Variants in STARD9 observed in about 807,000 individuals in gnomAD.
The protein encoded by STARD9 is StAR related lipid transfer domain containing 9.
A neutral mutation model predicts 399.8 loss-of-function variants in STARD9; 346 were observed. That is an observed-to-expected ratio of 0.87 (90% confidence interval 0.79 to 0.95). STARD9 has a LOEUF of 0.95. Among genes scored for constraint, STARD9 ranks in the 40% least tolerant of loss-of-function variants. STARD9 has a pLI of 0.00. For synonymous variants in STARD9, 2,203 were observed against 2,143.5 expected (o/e 1.03, Z -0.77); for missense variants, 5,832 against 5,667.5 (o/e 1.03, Z -0.93).
chr15:42,651,477 T>C (rs1414813016), intron 8 of STARD9, among the ~76,000 whole-genome samples: 1 of 152,206 alleles, frequency 6.6e-6, no homozygotes. Flanking sequence ...TAGTTTTGCA[T>C]ACTTATAAGG....
chr15:42,639,753 A>G (rs573499753), intron 7 of STARD9, among the ~76,000 whole-genome samples: 14 of 151,788 alleles, frequency 9.2e-5, no homozygotes, highest in East Asian at 3.9e-4. Context: ...AATCCCAGCT[A>G]CTCGGGAGGC....
intron 26 of STARD9, among the ~76,000 whole-genome samples, chr15:42,712,118 A>ATT (rs1181197875): frequency 2.3e-5 from 1 of 43,870 alleles, no homozygotes. Context: ...TATAATATAT[A>ATT]ATATATATAT....
At chr15:42,700,373 C>T (rs768015384) in intron 26 of STARD9, among the ~76,000 whole-genome samples, 13 of 152,198 alleles carry the variant, frequency 8.5e-5, no homozygotes, top group African/African-American at 1.2e-4. Context: ...GCCATAATGG[C>T]GGTATTAATT....
In STARD9 at chr15:42,662,850, A is replaced by G. The variant is rs888704159; in HGVS notation, c.827A>G (p.Asn276Ser). 4 of 1,537,396 alleles carry G rather than the reference A, an allele frequency of 2.6e-6. No individual in the cohort carries two copies. Among genetic ancestry groups the G allele is most frequent in the South Asian group, 2.4e-5 (2 of 84,058 alleles). ...CGCATTGCTGAAGGAGCCAATATCA[A>G]CAAGTCCCTTGTGACTCTAGGAATT... Reference protein sequence around the residue: ...KDRIAEGANINKSLVTLGIVI... With the variant: ...KDRIAEGANISKSLVTLGIVI... The change falls in exon 11 of 33, where the codon AAC (asparagine) becomes AGC (serine). Residue 276 changes from asparagine (N) to serine (S), a missense_variant. Physicochemically the swap from Asn to Ser is conservative, Grantham distance 46. Around this residue, in one of 2 missense-constraint regions of STARD9, gnomAD observed 5,828 missense variants for 5,651.1 expected, o/e 1.03. Transcript: ENST00000290607.
chr15:42,626,324 C>CTCCTCTTCCTCTTCT (rs60638492), intron 3 of STARD9, among the ~76,000 whole-genome samples: 21,364 of 126,620 alleles, frequency 0.17, 2,573 homozygotes, highest in South Asian at 0.27. Context: ...CCTCTTCTTC[C>CTCCTCTTCCTCTTCT]TCCTCTTCCT....
intron 7 of STARD9, among the ~76,000 whole-genome samples, chr15:42,644,241 C>T (rs984437872): frequency 6.6e-6 from 1 of 152,182 alleles, no homozygotes; most frequent in African/African-American, 2.4e-5. Flanking sequence ...CGCCTGTAAT[C>T]CCAGCACTTT....
At chr15:42,594,971 C>T (rs1178266138) in intron 3 of STARD9, among the ~76,000 whole-genome samples, 1 of 152,184 alleles carries the variant, frequency 6.6e-6, no homozygotes, top group Admixed American at 6.5e-5. Flanking sequence ...TGGGAAACCC[C>T]AACCCATTAC....
In STARD9 at chr15:42,601,610, G is replaced by T. The variant is rs141297638; in HGVS notation, c.234+15973G>T. Among the ~76,000 whole-genome samples, 24 of 151,062 alleles carry T rather than the reference G, an allele frequency of 1.6e-4. No homozygotes were observed. In the South Asian group the frequency reaches 4.8e-3, roughly 30 times the overall value. ...CACCTCCCGGACGGGGCGGCTGGCC[G>T]GGTGGGGGCTGCCCCCCACTTCCCG... On this transcript the variant is annotated intron_variant, in intron 3 of 32. Coordinates refer to ENST00000290607, the MANE Select transcript of STARD9 (RefSeq NM_020759.3).
At position 42,689,447 on chromosome 15, in the gene STARD9, T is replaced by A; in HGVS notation, c.7869T>A (p.Ala2623=). ...APGFHVASLS[A]EAGQIDLLPD... ...GATTTCATGTGGCATCTCTATCTGC[T>A]GAAGCAGGGCAGATAGATCTGTTAC... The change falls in exon 23 of 33, where the codon GCT becomes GCA. Residue 2623 remains alanine, a synonymous_variant. Transcript: ENST00000290607. 1 of 1,537,278 alleles carries A rather than the reference T, an allele frequency of 6.5e-7. No homozygotes were observed.
chr15:42,663,858 A>G lies in STARD9; in HGVS notation c.1117A>G (p.Ser373Gly). Reference protein sequence around the residue: ...PAHTSYSETMSTLRYASSAKN... With the variant: ...PAHTSYSETMGTLRYASSAKN... Reference sequence around the variant, plus strand: ...ACACACTAGCTACAGTGAGACCATGAGCACACTGAGATATGCATCCAGTGC... The same window carrying G: ...ACACACTAGCTACAGTGAGACCATGGGCACACTGAGATATGCATCCAGTGC... Residue 373 changes from serine (S) to glycine (G), a missense_variant, in exon 13 of 33, where the codon AGC becomes GGC. Physicochemically the swap from Ser to Gly is moderately conservative, Grantham distance 56. Coordinates refer to ENST00000290607, the MANE Select transcript of STARD9 (RefSeq NM_020759.3). 2 of 1,537,096 alleles carry G rather than the reference A, an allele frequency of 1.3e-6. No homozygotes were observed. Among genetic ancestry groups the G allele is most frequent in the Non-Finnish European group, 1.7e-6 (2 of 1,146,730 alleles).
intron 26 of STARD9, among the ~76,000 whole-genome samples, chr15:42,698,858 C>T (rs2060900240): frequency 6.6e-6 from 1 of 151,944 alleles, no homozygotes; most frequent in South Asian, 2.1e-4. Context: ...CTAGTTGTCC[C>T]TGTAATGCTT....
At chr15:42,715,440 G>A (rs1024537688) in intron 26 of STARD9, among the ~76,000 whole-genome samples, 5 of 152,188 alleles carry the variant, frequency 3.3e-5, no homozygotes, top group Admixed American at 6.5e-5. Context: ...AAAACTTTGG[G>A]AGGCCGCAGA....
intron 3 of STARD9, among the ~76,000 whole-genome samples, chr15:42,629,034 C>T (rs2059279357): frequency 1.3e-5 from 2 of 151,610 alleles, no homozygotes. Context: ...TCTTTTTTTT[C>T]CCCAAGACAG....
Position 42,687,486 on chromosome 15 carries a change from C to T in STARD9, c.5908C>T (p.Pro1970Ser). Residue 1970 changes from proline to serine, a missense_variant, in exon 23 of 33, where the codon CCT (proline) becomes TCT (serine). Physicochemically the swap from Pro to Ser is moderately conservative, Grantham distance 74 (BLOSUM62 -1). This residue lies in a region of STARD9 where 5,828 missense variants were observed against 5,651.1 expected (regional missense o/e 1.03). Coordinates refer to ENST00000290607, the MANE Select transcript of STARD9 (RefSeq NM_020759.3). ...GGTGGCCCAGGGTGGTGGCCCAACC[C>T]CTAAGTGGGAAGGGAAAAATGAAAC... Reference protein sequence around the residue: ...VMVAQGGGPTPKWEGKNETGL... With the variant: ...VMVAQGGGPTSKWEGKNETGL... 1 of 1,537,116 alleles carries T rather than the reference C, an allele frequency of 6.5e-7. No homozygotes were observed.
At position 42,685,289 on chromosome 15, in the gene STARD9, C is replaced by T; in HGVS notation, c.3711C>T (p.His1237=). The T allele has an allele frequency of 2.0e-6, 3 of 1,537,516 alleles. No homozygotes were observed. The highest frequency in any genetic ancestry group is 2.6e-6 in the Non-Finnish European group (3 of 1,146,972). The part of the protein sequence containing the change: ...ADEIPTETFW[H]LEDSSLPVMD... ...AGATACCCACAGAGACTTTTTGGCA[C>T]CTGGAGGACTCTAGTCTGCCTGTAA... The change falls in exon 23 of 33, where the codon CAC becomes CAT. Residue 1237 remains histidine, a synonymous_variant. Transcript: ENST00000290607.
At chr15:42,649,155 G>A (rs1013786285) in intron 7 of STARD9, among the ~76,000 whole-genome samples, 19 of 151,958 alleles carry the variant, frequency 1.3e-4, no homozygotes, top group African/African-American at 3.4e-4. Flanking sequence ...TTAGCCTCCC[G>A]AGTAGCTGGG....
rs369688689 is a variant in STARD9 at position 42,718,826 on chromosome 15, C to A, written c.13917C>A (p.Arg4639=). Residue 4639 remains arginine (R), a synonymous_variant, in exon 32 of 33, where the codon CGC becomes CGA. Coordinates refer to ENST00000290607, the MANE Select transcript of STARD9 (RefSeq NM_020759.3). The part of the protein sequence containing the change: ...SMPRPSRKMV[R]GEILPSAWIL... Reference sequence around the variant, plus strand: ...CAAGACCCAGCAGAAAAATGGTTCGCGGGGAGATCCTGCCCAGTGCCTGGA... The same window carrying A: ...CAAGACCCAGCAGAAAAATGGTTCGAGGGGAGATCCTGCCCAGTGCCTGGA... The A allele has an allele frequency of 1.3e-6, 2 of 1,537,090 alleles. No homozygotes were observed. Among genetic ancestry groups the A allele is most frequent in the African/African-American group, 1.4e-5 (1 of 73,022 alleles).
At chr15:42,649,105 C>T (rs1048026424) in intron 7 of STARD9, among the ~76,000 whole-genome samples, 1 of 152,098 alleles carries the variant, frequency 6.6e-6, no homozygotes, top group East Asian at 1.9e-4. Context: ...TCTCAGCTCA[C>T]TGCAACCTCC....
At chr15:42,587,146 G>A (rs2058292884) in intron 3 of STARD9, among the ~76,000 whole-genome samples, 1 of 152,064 alleles carries the variant, frequency 6.6e-6, no homozygotes, top group Non-Finnish European at 1.5e-5. Context: ...ATGAGTAACT[G>A]CACCCAGCTA....
Sources: allele counts gnomAD v4.1 joint callset (sites outside exome capture counted in the v4.1 genomes callset), GRCh38; gene constraint gnomAD v4.1.1; regional missense constraint gnomAD v4.1.1; transcripts MANE v1.5; gene names NCBI Gene and HGNC (gene_info 2026-07-23, HGNC 2026-07-21).